The following RBM19 variants were observed in gnomAD, a reference collection of about 807,000 sequenced individuals.
The protein encoded by RBM19 is probable RNA-binding protein 19.
A neutral mutation model predicts 116.8 loss-of-function variants in RBM19; 94 were observed. The ratio of observed to expected loss-of-function variants is 0.80; its 90% CI spans 0.68 to 0.95. The LOEUF (loss-of-function observed/expected upper bound fraction) is 0.95, where lower values mean the gene tolerates loss of function less well. Among genes scored for constraint, RBM19 ranks in the 40% least tolerant of loss-of-function variants. RBM19 has a pLI of 0.00. For missense variants in RBM19, 1,161 were observed against 1,220.7 expected, an observed-to-expected ratio of 0.95 and a Z score of 0.73; for synonymous variants, 475 against 494.1, an observed-to-expected ratio of 0.96 and a Z score of 0.51.
rs570967556 is a variant in RBM19, at chr12:113,957,697, G to A, written c.840+85C>T. The A allele has an allele frequency of 3.7e-5, 54 of 1,474,406 alleles. 3 individuals are homozygous for A. The South Asian group carries it at 6.3e-4, about 17-fold the overall frequency. The allele number at this position is 1,474,406 out of a possible 1,614,324, so 91.3% of individuals were successfully genotyped here. A position where few individuals can be genotyped will look rare whatever the true frequency, so the allele number is the denominator to read the frequency against. On this transcript the variant is annotated intron_variant, in intron 6 of 23. Transcript: ENST00000261741. ...GAGCTGCGTCTTTCCCCAACATTCC[G>A]CTCTCCTAACAGAGGAGCTGTGGGG... is the stretch of plus-strand genomic sequence containing the variant.
Position 113,962,220 on chromosome 12 carries a change from C to A in RBM19, c.219+12G>T, listed in dbSNP as rs1166610795. On this transcript the variant is annotated intron_variant, in intron 2 of 23. Coordinates refer to ENST00000261741, the MANE Select transcript of RBM19 (RefSeq NM_016196.4). ...TGACAGGAAGGTAAGGGTGAGACTCCTGCCCACTCACTGTGATCCGGGATG... is the reference window on the plus strand; with the variant it reads ...TGACAGGAAGGTAAGGGTGAGACTCATGCCCACTCACTGTGATCCGGGATG... The A allele has an allele frequency of 6.2e-7, 1 of 1,613,826 alleles. No homozygotes were observed.
Position 113,823,129 on chromosome 12 carries a change from C to A in RBM19, c.*95G>T. The stretch of plus-strand genomic sequence containing the variant: ...GGGTGGGGCCGCCTGCCGCTCCCCG[C>A]CCCGCCCCCCAGCCCACATGGTGGT... On this transcript the variant is annotated 3_prime_UTR_variant, in exon 24 of 24. Coordinates refer to ENST00000261741, the MANE Select transcript of RBM19 (RefSeq NM_016196.4). The A allele has an allele frequency of 1.6e-6, 2 of 1,214,028 alleles. No homozygotes were observed. The highest frequency in any genetic ancestry group is 2.5e-5 in the East Asian group (1 of 40,702). 75.2% of individuals were successfully genotyped at this position (1,214,028 alleles called of 1,614,324 possible).
chr12:113,944,025 C>T (rs1234458182), intron 13 of RBM19, among the ~76,000 whole-genome samples: 1 of 150,124 alleles, frequency 6.7e-6, no homozygotes, highest in Middle Eastern at 3.2e-3. Context: ...CGAGCCAAAT[C>T]CACCCATGTC....
intron 23 of RBM19, among the ~76,000 whole-genome samples, chr12:113,833,122 C>T (rs1374252302): frequency 3.3e-5 from 5 of 152,184 alleles, no homozygotes; most frequent in African/African-American, 4.8e-5. Context: ...AACTTCAACA[C>T]GTTCAGAACA....
chr12:113,909,873 C>T (rs766170672), intron 21 of RBM19, among the ~76,000 whole-genome samples: 45 of 152,342 alleles, frequency 3.0e-4, no homozygotes, highest in Non-Finnish European at 5.1e-4. Flanking sequence ...CGGCACTACG[C>T]TAGGCGTCTC....
rs763718755 is a variant in RBM19 at position 113,920,688 on chromosome 12, C to G, written c.2308G>C (p.Val770Leu). 14 of 1,613,698 alleles carry G rather than the reference C, an allele frequency of 8.7e-6. No individual in the cohort carries two copies. The highest frequency in any genetic ancestry group is 1.1e-5 in the Non-Finnish European group (13 of 1,179,622). The change falls in exon 19 of 24, where the codon GTG (valine) becomes CTG (leucine). Residue 770 changes from valine (V) to leucine (L), a missense_variant and splice_region_variant. Physicochemically the swap from Val to Leu is conservative, Grantham distance 32 (BLOSUM62 1). Transcript: ENST00000261741. ...AATCCAAACCCCATGGAAAGGAGCA[C>G]TCCTGAGAGAGAGAGGTGGAAATCA... ...SISKKKNKAG[V>L]LLSMGFGFVE...
chr12:113,927,134 C>T lies in RBM19; in HGVS notation c.2164G>A (p.Glu722Lys), dbSNP rs769647367. The T allele has an allele frequency of 1.2e-5, 20 of 1,612,204 alleles. No homozygotes were observed. In the Admixed American group the frequency reaches 3.2e-4, roughly 26 times the overall value. The change falls in exon 17 of 24, where the codon GAA (glutamate) becomes AAA (lysine). Residue 722 changes from glutamate to lysine, a missense_variant. Transcript: ENST00000261741. ...CATCCTGGGAGGCTCTCTTCTTCTTCTTCCTCTTCCTCCTCCTCCTCTTCC... is the reference window on the plus strand; with the variant it reads ...CATCCTGGGAGGCTCTCTTCTTCTTTTTCCTCTTCCTCCTCCTCCTCTTCC... Reference protein sequence around the residue: ...KMEEEEEEEEEEEESLPGCTL... With the variant: ...KMEEEEEEEEKEEESLPGCTL...
chr12:113,948,936 C>T lies in RBM19; in HGVS notation c.1173G>A (p.Glu391=), dbSNP rs746941474. The change falls in exon 10 of 24, where the codon GAG becomes GAA. Residue 391 remains glutamate (E), a synonymous_variant. Transcript: ENST00000261741. ...TKSWQGRILG[E]NEEEEDLAES... ...CGGCCAGGTCCTCCTCCTCTTCGTT[C>T]TCCCCGAGTATCCGGCCTTGCCAGG... The T allele has an allele frequency of 1.9e-6, 3 of 1,614,132 alleles. No homozygotes were observed. Among genetic ancestry groups the T allele is most frequent in the Admixed American group, 3.3e-5 (2 of 60,010 alleles).
intron 7 of RBM19, among the ~76,000 whole-genome samples, chr12:113,954,026 A>G (rs528796047): frequency 1.3e-5 from 2 of 152,246 alleles, no homozygotes; most frequent in African/African-American, 4.8e-5. Context: ...CCACGTCCCA[A>G]TTTAGGGGAC....
Position 113,825,807 on chromosome 12 carries a change from C to T in RBM19, c.2786-2486G>A, listed in dbSNP as rs1874810380. On this transcript the variant is annotated intron_variant, in intron 23 of 23. Transcript: ENST00000261741. This position sits in a 1 kb window ranked among gnomAD's most constrained non-coding sequence, Gnocchi z 5.7. ...CTCCTGCACCCCTGGGCCGTGCCAC[C>T]ATTGCCTCTGGCTTCCTCTGCCCTC... Among the ~76,000 whole-genome samples, 1 of 152,210 alleles carries T rather than the reference C, an allele frequency of 6.6e-6. No individual in the cohort carries two copies. The highest frequency in any genetic ancestry group is 2.4e-5 in the African/African-American group (1 of 41,452).
At chr12:113,863,652 T>A (rs7316852) in intron 21 of RBM19, among the ~76,000 whole-genome samples, 1 of 152,064 alleles carries the variant, frequency 6.6e-6, no homozygotes, top group African/African-American at 2.4e-5. Flanking sequence ...GTGGGGGAGT[T>A]TGCTGGCATA....
intron 23 of RBM19, among the ~76,000 whole-genome samples, chr12:113,832,258 C>T (rs1221113336): frequency 3.3e-5 from 5 of 150,456 alleles, no homozygotes; most frequent in African/African-American, 7.4e-5. Flanking sequence ...GGTGTGATCT[C>T]GGCTCACTGC....
intron 23 of RBM19, among the ~76,000 whole-genome samples, chr12:113,841,679 C>A (rs1052622808): frequency 6.6e-6 from 1 of 152,138 alleles, no homozygotes; most frequent in Non-Finnish European, 1.5e-5. Flanking sequence ...CCCACCTCGG[C>A]CTCACAAAGT....
At chr12:113,914,269 C>T (rs1370185074) in intron 21 of RBM19, among the ~76,000 whole-genome samples, 1 of 152,244 alleles carries the variant, frequency 6.6e-6, no homozygotes, top group Admixed American at 6.5e-5. Flanking sequence ...GAGAGAGGCC[C>T]GCCTGCTGCT....
chr12:113,865,930 A>T (rs1241807039), intron 21 of RBM19, among the ~76,000 whole-genome samples: 1 of 152,216 alleles, frequency 6.6e-6, no homozygotes, highest in Admixed American at 6.5e-5. Context: ...GAACGAGAAG[A>T]CACTGGCTCC....
intron 23 of RBM19, among the ~76,000 whole-genome samples, chr12:113,839,915 T>C (rs950954979): frequency 1.3e-5 from 2 of 152,200 alleles, no homozygotes; most frequent in African/African-American, 4.8e-5. Flanking sequence ...TTTCCTAAGC[T>C]GGTGGTTCCT....
chr12:113,899,834 T>C (rs1233100033), intron 21 of RBM19, among the ~76,000 whole-genome samples: 3 of 151,768 alleles, frequency 2.0e-5, no homozygotes, highest in Non-Finnish European at 2.9e-5. Context: ...CTGGAAGACA[T>C]GGCGCGCAAT....
At chr12:113,828,499 G>T (rs891452172) in intron 23 of RBM19, among the ~76,000 whole-genome samples, 15 of 152,100 alleles carry the variant, frequency 9.9e-5, no homozygotes, top group African/African-American at 2.9e-4. Context: ...CCAAGAGGCC[G>T]GGGTGAAGGG....
rs1170425432 is a variant in RBM19, at chr12:113,825,813, C to T, written c.2786-2492G>A. Among the ~76,000 whole-genome samples, 1 of 152,240 alleles carries T rather than the reference C, an allele frequency of 6.6e-6. No homozygotes were observed. The highest frequency in any genetic ancestry group is 1.5e-5 in the Non-Finnish European group (1 of 68,038). On this transcript the variant is annotated intron_variant, in intron 23 of 23. Transcript: ENST00000261741. The surrounding 1 kb of genome is among the most constrained non-coding windows in gnomAD (Gnocchi z 5.7). Reference sequence around the variant, plus strand: ...CACCCCTGGGCCGTGCCACCATTGCCTCTGGCTTCCTCTGCCCTCCTCCCA... The same window carrying T: ...CACCCCTGGGCCGTGCCACCATTGCTTCTGGCTTCCTCTGCCCTCCTCCCA...
Sources: gnomAD v4.1 joint callset for allele counts (sites outside exome capture counted in the v4.1 genomes callset) on GRCh38, gnomAD v4.1.1 for gene constraint, Gnocchi (gnomAD v3.1) non-coding constraint, MANE v1.5 for transcripts, NCBI Gene and HGNC (gene_info 2026-07-23, HGNC 2026-07-21) for gene names.